The following OFD1 variants were observed in gnomAD, a reference collection of about 807,000 sequenced individuals.
OFD1 encodes the protein centriole and centriolar satellite protein OFD1.
Under a neutral mutation model 81.4 loss-of-function variants are expected in OFD1, and 12 were observed. That is an observed-to-expected ratio of 0.15 (90% confidence interval 0.09 to 0.24). The LOEUF (loss-of-function observed/expected upper bound fraction) is 0.24, where lower values mean the gene tolerates loss of function less well. Ranked by LOEUF, OFD1 falls within the 10% of genes least tolerant of loss-of-function variation. The pLI is 1.00. For missense variants in OFD1, 685 were observed against 733.9 expected (o/e 0.93, Z 0.77); for synonymous variants, 256 against 263.7 (o/e 0.97, Z 0.28).
intron 10 of OFD1, 123 bp from the exon 11 acceptor site, chrX:13,753,245 G>C: frequency 8.6e-7 from 1 of 1,159,984 alleles, no homozygotes; most frequent in Non-Finnish European, 1.2e-6. Flanking sequence ...GGACTTTGAA[G>C]TTTACAAGTT....
chrX:13,745,777 A>C (rs1387722054), intron 6 of OFD1, among the ~76,000 whole-genome samples: 1 of 112,375 alleles, frequency 8.9e-6, no homozygotes, highest in Non-Finnish European at 1.9e-5. Flanking sequence ...GGGAAGAGTC[A>C]GTAGACCTCA....
rs2046795753 is a variant in OFD1 at position 13,734,993 on chromosome X, G to GC, written c.-75dup. ...AGGGCAGGGATTCCCCCTCGTCTTGGCCCCACCGCCCGGGCTGGGCACTAA... is the reference window on the plus strand; with the variant it reads ...AGGGCAGGGATTCCCCCTCGTCTTGGCCCCCACCGCCCGGGCTGGGCACTAA... On this transcript the variant is annotated 5_prime_UTR_variant, in exon 1 of 23. Coordinates refer to ENST00000340096, the MANE Select transcript of OFD1 (RefSeq NM_003611.3). 6 of 1,160,168 alleles carry GC rather than the reference G, an allele frequency of 5.2e-6. No homozygotes were observed. Among genetic ancestry groups the GC allele is most frequent in the East Asian group, 3.2e-5 (1 of 31,293 alleles).
intron 6 of OFD1, among the ~76,000 whole-genome samples, 165 bp downstream of exon 6, chrX:13,744,684 GCTCTCCA>G (rs2047227075): frequency 8.9e-6 from 1 of 112,119 alleles, no homozygotes; most frequent in African/African-American, 3.2e-5. Flanking sequence ...ACCAGGAAGT[GCTCTCCA>G]GTGTCATTCC....
Position 13,744,395 on chromosome X carries a change from T to C in OFD1, c.413-20T>C, listed in dbSNP as rs749401853. On this transcript the variant is annotated intron_variant, in intron 5 of 22. Coordinates refer to ENST00000340096, the MANE Select transcript of OFD1 (RefSeq NM_003611.3). ...GTGGTTGAAAGTTCTGAAACAAAAC[T>C]GTATGCATATGTTTTTTAGGTTTTC... 4.4e-6 allele frequency: 4 copies of C among 909,445 alleles called. No homozygotes were observed. The highest frequency in any genetic ancestry group is 2.0e-5 in the South Asian group (1 of 50,482). The allele number at this position is 909,445 out of a possible 1,213,427, so 74.9% of individuals were successfully genotyped here.
upstream of OFD1, among the ~76,000 whole-genome samples, chrX:13,731,338 A>G (rs190939878): frequency 1.5e-4 from 17 of 112,561 alleles, no homozygotes; most frequent in Non-Finnish European, 2.4e-4. Flanking sequence ...ATTTTCAGTC[A>G]GATGCCATGC....
At chrX:13,750,616 A>G (rs899707778) in intron 9 of OFD1, among the ~76,000 whole-genome samples, 3 of 111,825 alleles carry the variant, frequency 2.7e-5, no homozygotes, top group Non-Finnish European at 3.8e-5. Context: ...ACTTTTTTCA[A>G]TATTCAATCA....
At chrX:13,759,032 G>A (rs943235343) in intron 15 of OFD1, among the ~76,000 whole-genome samples, 1 of 111,783 alleles carries the variant, frequency 8.9e-6, no homozygotes, top group Admixed American at 9.4e-5. Context: ...AGACACTCAG[G>A]AAATGGTTAT....
chrX:13,762,349 A>G lies in OFD1; in HGVS notation c.2393A>G (p.Tyr798Cys), dbSNP rs1264162767. The change falls in exon 18 of 23, where the codon TAT (tyrosine) becomes TGT (cysteine). Residue 798 changes from tyrosine (Y) to cysteine (C), a missense_variant. By Grantham distance (194) the Tyr-to-Cys change is radical (BLOSUM62 -2). Transcript: ENST00000340096. Reference protein sequence around the residue: ...SSPPEQKVGLYRRQTELQDKS... With the variant: ...SSPPEQKVGLCRRQTELQDKS... ...GTTTTATCCTTCCAATCTAGTCTTTATCGAAGACAAACTGAACTTCAAGAC... is the reference window on the plus strand; with the variant it reads ...GTTTTATCCTTCCAATCTAGTCTTTGTCGAAGACAAACTGAACTTCAAGAC... 2.6e-6 allele frequency: 3 copies of G among 1,175,875 alleles called. No individual in the cohort carries two copies. Among genetic ancestry groups the G allele is most frequent in the Non-Finnish European group, 3.5e-6 (3 of 862,808 alleles).
intron 12 of OFD1, among the ~76,000 whole-genome samples, chrX:13,755,577 G>A (rs1227481949): frequency 8.9e-6 from 1 of 111,815 alleles, no homozygotes; most frequent in Non-Finnish European, 1.9e-5. Flanking sequence ...AATTCAGTAA[G>A]CTAACTTATG....
chrX:13,762,287 T>C (rs2047965102), intron 17 of OFD1, 57 bp from the exon 18 acceptor site: 1 of 775,622 alleles, frequency 1.3e-6, no homozygotes. Flanking sequence ...TTTTGTCACC[T>C]TGTACTCTTT....
upstream of OFD1, chrX:13,734,294 C>T (rs989389658): frequency 5.6e-6 from 2 of 357,130 alleles, no homozygotes; most frequent in African/African-American, 5.2e-5. Context: ...CGTTAAGAAA[C>T]CCTGGGTTAG....
At chrX:13,768,593 G>A in intron 21 of OFD1, 125 bp from the exon 22 acceptor site, 1 of 584,746 alleles carries the variant, frequency 1.7e-6, no homozygotes, top group Non-Finnish European at 2.9e-6. Flanking sequence ...TAAATTTCAT[G>A]TTTAAAAGTC....
chrX:13,734,663 C>T (rs1602756243), upstream of OFD1: 4 of 912,214 alleles, frequency 4.4e-6, no homozygotes, highest in Non-Finnish European at 4.1e-6. Context: ...GCGGAGCTTC[C>T]GGCCGGTGCT....
At chrX:13,749,217 G>A (rs2047411765) in intron 8 of OFD1, among the ~76,000 whole-genome samples, 1 of 111,388 alleles carries the variant, frequency 9.0e-6, no homozygotes, top group South Asian at 3.7e-4. Flanking sequence ...GGACTGTAGG[G>A]TAATGGTAGT....
intron 14 of OFD1, 41 bp from the exon 15 acceptor site, chrX:13,758,296 T>G: frequency 1.1e-6 from 1 of 931,140 alleles, no homozygotes; most frequent in Non-Finnish European, 1.6e-6. Context: ...AGCTGTGATT[T>G]GTTTTACATT....
In OFD1 at chrX:13,767,294, A is replaced by T. The variant is rs751784430; in HGVS notation, c.2757+10A>T. The T allele has an allele frequency of 1.2e-5, 15 of 1,207,237 alleles. No homozygotes were observed. The South Asian group carries it at 2.5e-4, about 20-fold the overall frequency. On this transcript the variant is annotated intron_variant, in intron 20 of 22. Coordinates refer to ENST00000340096, the MANE Select transcript of OFD1 (RefSeq NM_003611.3). ...ACTGTATCAGGAAAGGGTAATAAGT[A>T]TGACTTGATTCTCTGAACTGGTTGC...
chrX:13,741,568 C>T (rs773560362), intron 5 of OFD1, among the ~76,000 whole-genome samples: 1 of 111,530 alleles, frequency 9.0e-6, no homozygotes, highest in Non-Finnish European at 1.9e-5. Flanking sequence ...ATAATGATAT[C>T]TGTTATGCGT....
In OFD1 at chrX:13,757,822, A is replaced by G. The variant is rs544532505; in HGVS notation, c.1542+32A>G. 90 of 1,194,234 alleles carry G rather than the reference A, an allele frequency of 7.5e-5. 1 individual carries two copies. In the South Asian group the frequency reaches 1.1e-3, roughly 15 times the overall value. On this transcript the variant is annotated intron_variant, in intron 14 of 22. Coordinates refer to ENST00000340096, the MANE Select transcript of OFD1 (RefSeq NM_003611.3). ...ATTGCTCTTCTTCAGTTCTAGTGTGATACCAGTACACTTCATAGTTACGTA... is the reference window on the plus strand; with the variant it reads ...ATTGCTCTTCTTCAGTTCTAGTGTGGTACCAGTACACTTCATAGTTACGTA...
chrX:13,755,329 G>A, intron 12 of OFD1, 87 bp downstream of exon 12: 1 of 659,275 alleles, frequency 1.5e-6, no homozygotes, highest in Non-Finnish European at 2.4e-6. Context: ...AAGTCATCCT[G>A]TTGAGATGTT....
Sources: gnomAD v4.1 joint callset for allele counts (sites outside exome capture counted in the v4.1 genomes callset) on GRCh38, gnomAD v4.1.1 for gene constraint, MANE v1.5 for transcripts, NCBI Gene and HGNC (gene_info 2026-07-23, HGNC 2026-07-21) for gene names.